The following CLPB variants were observed in gnomAD, a reference collection of about 807,000 sequenced individuals.
CLPB encodes mitochondrial disaggregase.
Under a neutral mutation model 78.4 loss-of-function variants are expected in CLPB, and 40 were observed. The ratio of observed to expected loss-of-function variants is 0.51; its 90% CI spans 0.40 to 0.66. The LOEUF (loss-of-function observed/expected upper bound fraction) is 0.66. CLPB is among the 30% of genes least tolerant of loss of function. The pLI is 0.00. For synonymous variants in CLPB, 333 were observed against 348.0 expected, an observed-to-expected ratio of 0.96 and a Z score of 0.48; for missense variants, 780 against 886.9, an observed-to-expected ratio of 0.88 and a Z score of 1.53.
Position 72,294,088 on chromosome 11 carries a change from G to A in CLPB, c.1719C>T (p.Arg573=), listed in dbSNP as rs1226202356. ...QRHNITLLWD[R]EVADVLVDGY... is the part of the protein sequence containing the mutation. ...CGTCGACCAGCACATCTGCCACCTC[G>A]CGGTCCCAGAGCAGCGTGATGTTGT... Residue 573 remains arginine (R), a synonymous_variant, in exon 15 of 16, where the codon CGC becomes CGT. Transcript: ENST00000538039. 10 of 1,614,024 alleles carry A rather than the reference G, an allele frequency of 6.2e-6. No individual in the cohort carries two copies. The highest frequency in any genetic ancestry group is 2.2e-5 in the East Asian group (1 of 44,876).
chr11:72,376,461 G>A (rs1423964577), intron 4 of CLPB, among the ~76,000 whole-genome samples: 1 of 151,712 alleles, frequency 6.6e-6, no homozygotes, highest in Non-Finnish European at 1.5e-5. Flanking sequence ...AACGTTCAGT[G>A]CACCAAGTTG....
At chr11:72,361,452 C>T (rs1276990925) in intron 4 of CLPB, among the ~76,000 whole-genome samples, 3 of 152,148 alleles carry the variant, frequency 2.0e-5, no homozygotes, top group Non-Finnish European at 2.9e-5. Flanking sequence ...TCAAATCATG[C>T]TAGGTGATCT....
chr11:72,386,790 G>A (rs1855092166), intron 3 of CLPB, among the ~76,000 whole-genome samples: 1 of 152,066 alleles, frequency 6.6e-6, no homozygotes, highest in African/African-American at 2.4e-5. Context: ...AAATGAGAAG[G>A]GTCTCTAAGC....
intron 2 of CLPB, among the ~76,000 whole-genome samples, chr11:72,405,183 C>T (rs1383379741): frequency 6.6e-6 from 1 of 152,072 alleles, no homozygotes; most frequent in Non-Finnish European, 1.5e-5. Context: ...AGGAAGTGCA[C>T]GTCAATCAAG....
At chr11:72,405,215 C>T (rs549026852) in intron 2 of CLPB, among the ~76,000 whole-genome samples, 14 of 152,222 alleles carry the variant, frequency 9.2e-5, no homozygotes, top group African/African-American at 3.1e-4. Flanking sequence ...GGTATGACTG[C>T]GAAGCAGGAA....
Position 72,294,626 on chromosome 11 carries a change from GA to G in CLPB, c.1553del (p.Ile518ThrfsTer2), listed in dbSNP as rs1158351383. Reference protein sequence around the residue: ...KNFKENVIRPILKAHFRRDEF... With the variant: ...KNFKENVIRPXLKAHFRRDEF... ...GCCAAGAAAGACCTCTTACTTTCAG[GA>G]TAGGGCGAATCACATTCTCCTTGAA... On this transcript the variant is annotated frameshift_variant, in exon 13 of 16. Transcript: ENST00000538039. LOFTEE classifies it high-confidence loss of function. 1 of 1,613,922 alleles carries G rather than the reference GA, an allele frequency of 6.2e-7. No homozygotes were observed. Among genetic ancestry groups the G allele is most frequent in the African/African-American group, 1.3e-5 (1 of 75,046 alleles).
chr11:72,344,010 G>T (rs1289320562), intron 5 of CLPB, among the ~76,000 whole-genome samples: 1 of 152,068 alleles, frequency 6.6e-6, no homozygotes, highest in Non-Finnish European at 1.5e-5. Flanking sequence ...ATGGTCATGG[G>T]CAATACTGCT....
Position 72,434,505 on chromosome 11 carries a change from C to G in CLPB, c.-31G>C, listed in dbSNP as rs774604850. ...CAGCTGCTTCGATAACCCCGTGGTG[C>G]CGGCCCCTGTGCTGACCACGTCCAA... On this transcript the variant is annotated 5_prime_UTR_variant, in exon 1 of 16. Coordinates refer to ENST00000538039, the MANE Select transcript of CLPB (RefSeq NM_001258392.3). 2.6e-6 allele frequency: 4 copies of G among 1,520,620 alleles called. No individual in the cohort carries two copies. Among genetic ancestry groups the G allele is most frequent in the Admixed American group, 4.3e-5 (2 of 46,074 alleles). 94.2% of individuals were successfully genotyped at this position (1,520,620 alleles called of 1,614,324 possible).
In CLPB at chr11:72,286,246, T is replaced by TTTTTTTTTTTTTTTTTG. The variant is rs60217103; in HGVS notation, c.*7120_*7121insCAAAAAAAAAAAAAAAA. The TTTTTTTTTTTTTTTTTG allele has an allele frequency of 6.9e-6, 1 of 144,018 alleles. No homozygotes were observed. The highest frequency in any genetic ancestry group is 2.7e-5 in the African/African-American group (1 of 37,596). The allele number at this position is 144,018 out of a possible 1,614,324, so 8.9% of individuals were successfully genotyped here. A position where few individuals can be genotyped will look rare whatever the true frequency, so the allele number is the denominator to read the frequency against. On this transcript the variant is annotated 3_prime_UTR_variant, in exon 16 of 16. Transcript: ENST00000538039. ...CTGTTTTTTTTTTTTTTTTTTTTTT[T>TTTTTTTTTTTTTTTTTG]AAGAGATAGGGTGTCACTCTGCCAC...
At chr11:72,299,616 TAACTACTGTTGAATTAA>T (rs1211730534) in intron 11 of CLPB, among the ~76,000 whole-genome samples, 2 of 152,250 alleles carry the variant, frequency 1.3e-5, no homozygotes, top group Non-Finnish European at 2.9e-5. Flanking sequence ...GAAGGTTTGC[TAACTACTGTTGAATTAA>T]AACTACTGTT....
At chr11:72,343,693 T>A (rs1361910800) in intron 5 of CLPB, among the ~76,000 whole-genome samples, 1 of 152,138 alleles carries the variant, frequency 6.6e-6, no homozygotes. Context: ...TTGCTAGTGA[T>A]TCCATTTTTT....
intron 2 of CLPB, among the ~76,000 whole-genome samples, chr11:72,424,871 A>C (rs1160273790): frequency 2.6e-5 from 4 of 151,654 alleles, no homozygotes; most frequent in Admixed American, 2.6e-4. Context: ...GGGGGACAGA[A>C]TGAGACTCCG....
intron 3 of CLPB, among the ~76,000 whole-genome samples, chr11:72,383,300 G>A (rs974375433): frequency 3.3e-5 from 5 of 151,822 alleles, no homozygotes; most frequent in South Asian, 2.1e-4. Flanking sequence ...TGAGGGGGGC[G>A]GATCATGAGG....
At chr11:72,360,259 T>C (rs191000094) in intron 4 of CLPB, among the ~76,000 whole-genome samples, 4 of 152,308 alleles carry the variant, frequency 2.6e-5, no homozygotes, top group Admixed American at 6.5e-5. Context: ...AGGTTCCTCT[T>C]ACCTCTCACT....
intron 2 of CLPB, among the ~76,000 whole-genome samples, chr11:72,420,283 G>A (rs912695501): frequency 6.6e-6 from 1 of 152,142 alleles, no homozygotes; most frequent in African/African-American, 2.4e-5. Flanking sequence ...GGCGGATCAA[G>A]AGGTCAGGAG....
intron 3 of CLPB, among the ~76,000 whole-genome samples, chr11:72,396,640 C>G (rs1031736959): frequency 6.6e-6 from 1 of 152,194 alleles, no homozygotes; most frequent in Non-Finnish European, 1.5e-5. Flanking sequence ...GTACACTACT[C>G]ATAAAGTGAA....
chr11:72,427,049 A>C (rs1196440830), intron 2 of CLPB, among the ~76,000 whole-genome samples: 3 of 152,280 alleles, frequency 2.0e-5, no homozygotes, highest in African/African-American at 7.2e-5. Context: ...TAAGGAAAGC[A>C]GCACTAGAGC....
intron 6 of CLPB, among the ~76,000 whole-genome samples, chr11:72,318,106 TAA>T (rs1467547299): frequency 1.3e-5 from 2 of 152,256 alleles, no homozygotes; most frequent in African/African-American, 2.4e-5. Flanking sequence ...TTGGTGAATA[TAA>T]GTCTGTCCTC....
Position 72,294,105 on chromosome 11 carries a change from T to C in CLPB, c.1702A>G (p.Thr568Ala). The C allele has an allele frequency of 6.2e-7, 1 of 1,614,116 alleles. No homozygotes were observed. The highest frequency in any genetic ancestry group is 2.2e-5 in the East Asian group (1 of 44,878). ...AKRAKQRHNITLLWDREVADV... is the reference protein window; with the variant it reads ...AKRAKQRHNIALLWDREVADV... The stretch of plus-strand genomic sequence containing the variant: ...GCCACCTCGCGGTCCCAGAGCAGCG[T>C]GATGTTGTGCCTTTGCTTGGCCTGA... Residue 568 changes from threonine to alanine, a missense_variant, in exon 15 of 16, where the codon ACG becomes GCG. By Grantham distance (58) the Thr-to-Ala change is moderately conservative. This residue lies in a region of CLPB where 272 missense variants were observed against 304.0 expected (regional missense o/e 0.89). Transcript: ENST00000538039.
Sources: allele counts gnomAD v4.1 joint callset (sites outside exome capture counted in the v4.1 genomes callset), GRCh38; gene constraint gnomAD v4.1.1; regional missense constraint gnomAD v4.1.1; transcripts MANE v1.5; gene names NCBI Gene and HGNC (gene_info 2026-07-23, HGNC 2026-07-21).